NAV2: variants seen among roughly 807,000 people sequenced by gnomAD.
The protein encoded by NAV2 is helicase, APC down-regulated 1.
NAV2 carries 54 observed loss-of-function variants against 223.2 expected under a neutral mutation model. The observed-to-expected ratio is 0.24, with a 90% CI of 0.19 to 0.30. The LOEUF (loss-of-function observed/expected upper bound fraction) is 0.30, where lower values mean the gene tolerates loss of function less well. Ranked by LOEUF, NAV2 falls within the 10% of genes least tolerant of loss-of-function variation. The probability of loss-of-function intolerance (pLI) is 1.00; values close to 1 mark genes in which losing one functional copy is unlikely to be tolerated. For synonymous variants in NAV2, 1,279 were observed against 1,239.3 expected (o/e 1.03, Z -0.67); for missense variants, 2,806 against 3,147.5 (o/e 0.89, Z 2.60).
At chr11:19,973,584 C>A (rs906224488) in intron 10 of NAV2, among the ~76,000 whole-genome samples, 1 of 152,166 alleles carries the variant, frequency 6.6e-6, no homozygotes, top group Admixed American at 6.5e-5. Context: ...AAGACCCAAG[C>A]AGTGGTGAGA....
intron 1 of NAV2, among the ~76,000 whole-genome samples, chr11:19,616,335 T>TGTGC (rs1159006427): frequency 7.3e-4 from 109 of 148,406 alleles, no homozygotes; most frequent in African/African-American, 2.6e-3. Flanking sequence ...TGTGTGTGTG[T>TGTGC]GCGCGCGCAT....
At chr11:20,087,056 C>G (rs965817361) in intron 26 of NAV2, among the ~76,000 whole-genome samples, 1 of 152,122 alleles carries the variant, frequency 6.6e-6, no homozygotes, top group Non-Finnish European at 1.5e-5. Context: ...GAGGACTGAG[C>G]TCTGGTGCAC....
intron 1 of NAV2, among the ~76,000 whole-genome samples, chr11:19,439,674 T>C (rs1851331878): frequency 6.6e-6 from 1 of 152,244 alleles, no homozygotes; most frequent in Non-Finnish European, 1.5e-5. Flanking sequence ...GGCTCCTTAA[T>C]CATTCATACA....
intron 1 of NAV2, among the ~76,000 whole-genome samples, chr11:19,706,056 G>A (rs2049653138): frequency 6.6e-6 from 1 of 152,110 alleles, no homozygotes; most frequent in East Asian, 1.9e-4. Context: ...CTCAGACTTG[G>A]CACTAATAGA....
intron 1 of NAV2, among the ~76,000 whole-genome samples, chr11:19,726,472 G>A (rs1479211299): frequency 6.6e-6 from 1 of 152,180 alleles, no homozygotes; most frequent in African/African-American, 2.4e-5. Context: ...TGCATGGAAT[G>A]TCTTCCCCAG....
chr11:19,860,316 G>T (rs1194953117), intron 3 of NAV2, among the ~76,000 whole-genome samples: 1 of 140,178 alleles, frequency 7.1e-6, no homozygotes, highest in Non-Finnish European at 1.5e-5. Flanking sequence ...TTCTCAGACA[G>T]GGCGGTTGCC....
At chr11:19,859,724 G>A (rs1450041256) in intron 3 of NAV2, among the ~76,000 whole-genome samples, 1 of 151,738 alleles carries the variant, frequency 6.6e-6, no homozygotes, top group East Asian at 2.0e-4. Flanking sequence ...TGGCCGGGCA[G>A]AGGCGCCCCT....
chr11:19,577,055 A>G (rs1392339154), intron 1 of NAV2, among the ~76,000 whole-genome samples: 1 of 152,234 alleles, frequency 6.6e-6, no homozygotes, highest in African/African-American at 2.4e-5. Flanking sequence ...TGCCTTGCAC[A>G]ATGAAAGCCC....
chr11:19,746,927 A>G (rs1373643508), intron 1 of NAV2, among the ~76,000 whole-genome samples: 1 of 151,990 alleles, frequency 6.6e-6, no homozygotes, highest in Non-Finnish European at 1.5e-5. Context: ...ATTTTAGGGT[A>G]CATGTGCACA....
chr11:19,735,818 T>C lies in NAV2; in HGVS notation c.267+21856T>C, dbSNP rs117836998. On this transcript the variant is annotated intron_variant, in intron 1 of 37. Transcript: ENST00000349880. Reference sequence around the variant, plus strand: ...AAAATGCAGAGAAATAGCATCACTTTTTTTTTCCCCGTGGTAAAAATAACA... The same window carrying C: ...AAAATGCAGAGAAATAGCATCACTTCTTTTTTCCCCGTGGTAAAAATAACA... 9.7e-3 allele frequency among the ~76,000 whole-genome samples: 1,476 copies of C among 152,318 alleles called. 10 individuals are homozygous for C. Among genetic ancestry groups the C allele is most frequent in the Non-Finnish European group, 0.014 (954 of 68,034 alleles).
chr11:19,541,833 C>G (rs1178222898), intron 1 of NAV2, among the ~76,000 whole-genome samples: 1 of 152,156 alleles, frequency 6.6e-6, no homozygotes. Context: ...TGTCCTGGCT[C>G]CATATGGCAA....
At chr11:19,743,685 A>T (rs980722310) in intron 1 of NAV2, among the ~76,000 whole-genome samples, 1 of 152,270 alleles carries the variant, frequency 6.6e-6, no homozygotes, top group Non-Finnish European at 1.5e-5. Context: ...CTCCAGCCCC[A>T]GGAATGTGAC....
intron 1 of NAV2, among the ~76,000 whole-genome samples, chr11:19,642,562 C>G (rs2047694730): frequency 6.6e-6 from 1 of 152,158 alleles, no homozygotes; most frequent in Admixed American, 6.5e-5. Flanking sequence ...TTGACTTCTT[C>G]CTCTCCACCT....
At chr11:20,115,828 G>C (rs2063043350) in intron 37 of NAV2, among the ~76,000 whole-genome samples, 2 of 152,092 alleles carry the variant, frequency 1.3e-5, no homozygotes, top group African/African-American at 4.8e-5. Context: ...TGGGAGGAGG[G>C]CTTGAGCCTG....
chr11:19,623,615 T>G (rs910514991), intron 1 of NAV2, among the ~76,000 whole-genome samples: 1 of 152,258 alleles, frequency 6.6e-6, no homozygotes, highest in Non-Finnish European at 1.5e-5. Flanking sequence ...TTCAGCTCCA[T>G]CAGGTCATTT....
At chr11:19,821,395 G>T (rs1342628806) in intron 1 of NAV2, among the ~76,000 whole-genome samples, 1 of 152,100 alleles carries the variant, frequency 6.6e-6, no homozygotes, top group Non-Finnish European at 1.5e-5. Context: ...CACCAGCCTG[G>T]TTTATTTTTT....
chr11:19,663,662 A>T (rs1467532119), intron 1 of NAV2, among the ~76,000 whole-genome samples: 2 of 151,886 alleles, frequency 1.3e-5, no homozygotes, highest in Non-Finnish European at 2.9e-5. Flanking sequence ...TCTTCATTTT[A>T]TCTCCTTCCT....
At chr11:19,420,318 G>A (rs1850556982) in intron 1 of NAV2, among the ~76,000 whole-genome samples, 1 of 152,194 alleles carries the variant, frequency 6.6e-6, no homozygotes, top group Middle Eastern at 3.2e-3. Flanking sequence ...ACTGAAAGTT[G>A]CACACACTGT....
chr11:20,020,769 C>T (rs1228148545), intron 11 of NAV2, among the ~76,000 whole-genome samples: 1 of 152,160 alleles, frequency 6.6e-6, no homozygotes, highest in Non-Finnish European at 1.5e-5. Flanking sequence ...TGTATCCTCT[C>T]TCCCTCAGAG....
Sources: allele counts gnomAD v4.1 joint callset (sites outside exome capture counted in the v4.1 genomes callset), GRCh38; gene constraint gnomAD v4.1.1; transcripts MANE v1.5; gene names NCBI Gene and HGNC (gene_info 2026-07-23, HGNC 2026-07-21).